Variants in OCA2 observed in about 807,000 individuals in gnomAD.
The protein encoded by OCA2 is OCA2 melanosomal transmembrane protein.
Under a neutral mutation model 100.2 loss-of-function variants are expected in OCA2, and 77 were observed. That is an observed-to-expected ratio of 0.77 (90% CI 0.64 to 0.93). OCA2 has a LOEUF of 0.93. OCA2 is among the 40% of genes least tolerant of loss of function. OCA2 has a pLI of 0.00. For missense variants in OCA2, 1,062 were observed against 1,089.1 expected (o/e 0.98, Z 0.35); for synonymous variants, 432 against 439.2 (o/e 0.98, Z 0.21).
At chr15:27,794,566 T>TAC (rs2033242190) in intron 23 of OCA2, among the ~76,000 whole-genome samples, 1 of 152,158 alleles carries the variant, frequency 6.6e-6, no homozygotes, top group African/African-American at 2.4e-5. Context: ...CTCCAGTAAA[T>TAC]ACACGTGTGC....
chr15:27,870,810 A>AAGAAAGAAAG (rs372518302), intron 21 of OCA2, among the ~76,000 whole-genome samples: 4,410 of 88,214 alleles, frequency 0.05, 227 homozygotes, highest in African/African-American at 0.12. Context: ...GAAAGAAAGA[A>AAGAAAGAAAG]AGAGAGAGAG....
intron 1 of OCA2, among the ~76,000 whole-genome samples, chr15:28,086,868 G>A (rs1228716469): frequency 1.3e-5 from 2 of 152,096 alleles, no homozygotes; most frequent in Non-Finnish European, 2.9e-5. Flanking sequence ...TAGAACAATA[G>A]AAATTACTCA....
the OCA2 span, among the ~76,000 whole-genome samples, chr15:27,723,377 C>G: frequency 6.6e-6 from 1 of 152,096 alleles, no homozygotes; most frequent in Non-Finnish European, 1.5e-5. Context: ...GCTATGAGCA[C>G]TGCTGTGTGA....
At position 27,789,380 on chromosome 15, in the gene OCA2, A is replaced by G. The variant is rs1056828421; in HGVS notation, c.2433-33908T>C. On this transcript the variant is annotated intron_variant, in intron 23 of 23. Coordinates refer to ENST00000354638, the MANE Select transcript of OCA2 (RefSeq NM_000275.3). ...CATCATTTTGAAAAATAGTTTTTCT[A>G]GAAATGAAATTCTTTCTTGAGTTTG... Among the ~76,000 whole-genome samples, 5 of 152,152 alleles carry G rather than the reference A, an allele frequency of 3.3e-5. No homozygotes were observed. In the East Asian group the frequency reaches 9.6e-4, roughly 29 times the overall value.
At chr15:27,806,392 C>T (rs190284265) in intron 23 of OCA2, among the ~76,000 whole-genome samples, 2 of 152,366 alleles carry the variant, frequency 1.3e-5, no homozygotes, top group Non-Finnish European at 2.9e-5. Flanking sequence ...GGCCTTCCTA[C>T]CGGAAAGGAA....
chr15:27,999,050 G>A (rs56055582), intron 9 of OCA2, among the ~76,000 whole-genome samples: 6,593 of 151,810 alleles, frequency 0.043, 464 homozygotes, highest in African/African-American at 0.15. Flanking sequence ...GGACTGTTGT[G>A]GGGTGGGGAG....
At position 27,930,786 on chromosome 15, in the gene OCA2, G is replaced by A. The variant is rs552310375; in HGVS notation, c.1952-4532C>T. Among the ~76,000 whole-genome samples, 5 of 151,780 alleles carry A rather than the reference G, an allele frequency of 3.3e-5. No individual in the cohort carries two copies. The South Asian group carries it at 1.0e-3, about 32-fold the overall frequency. On this transcript the variant is annotated intron_variant, in intron 18 of 23. Coordinates refer to ENST00000354638, the MANE Select transcript of OCA2 (RefSeq NM_000275.3). ...GGTGACTGAGCCAGGCTCTTCATCAGGGCAGGGGTCTGACACTTCATCTCT... is the reference window on the plus strand; with the variant it reads ...GGTGACTGAGCCAGGCTCTTCATCAAGGCAGGGGTCTGACACTTCATCTCT...
chr15:27,844,688 T>C (rs1595503663), intron 23 of OCA2, among the ~76,000 whole-genome samples: 2 of 152,122 alleles, frequency 1.3e-5, no homozygotes, highest in African/African-American at 2.4e-5. Flanking sequence ...TTTCACCATG[T>C]TGGGGATTCA....
chr15:27,770,863 TTC>T (rs2031731231), intron 23 of OCA2, among the ~76,000 whole-genome samples: 1 of 92,126 alleles, frequency 1.1e-5, no homozygotes, highest in Non-Finnish European at 2.2e-5. Context: ...CCTTTCTTCC[TTC>T]CTTCCCTCCT....
At chr15:27,963,840 A>G (rs1196646349) in intron 15 of OCA2, among the ~76,000 whole-genome samples, 1 of 152,152 alleles carries the variant, frequency 6.6e-6, no homozygotes, top group Non-Finnish European at 1.5e-5. Flanking sequence ...TGAGATCAAT[A>G]AAATTGATAA....
rs145588824 is a variant in OCA2, at chr15:27,854,099, C to T, written c.2245-2624G>A. On this transcript the variant is annotated intron_variant, in intron 21 of 23. Coordinates refer to ENST00000354638, the MANE Select transcript of OCA2 (RefSeq NM_000275.3). ...TGGGGCAGGTGGGTCCTCCTCCCCA[C>T]CCCAGATTCTGGGCTTGCCTAGTGG... Among the ~76,000 whole-genome samples, 11 of 152,338 alleles carry T rather than the reference C, an allele frequency of 7.2e-5. 1 individual carries two copies. Among genetic ancestry groups the T allele is most frequent in the Non-Finnish European group, 1.5e-4 (10 of 68,028 alleles).
intron 21 of OCA2, among the ~76,000 whole-genome samples, chr15:27,859,590 C>T (rs993033789): frequency 2.6e-5 from 4 of 152,140 alleles, no homozygotes; most frequent in African/African-American, 9.7e-5. Flanking sequence ...TTCTACCAAA[C>T]ATTTAAAGAA....
At chr15:27,808,611 C>T (rs1009704038) in intron 23 of OCA2, among the ~76,000 whole-genome samples, 7 of 152,214 alleles carry the variant, frequency 4.6e-5, no homozygotes, top group African/African-American at 1.7e-4. Context: ...CGGAGGTTTC[C>T]AGCCTGGATA....
At chr15:27,778,373 A>G (rs2032355500) in intron 23 of OCA2, among the ~76,000 whole-genome samples, 1 of 152,196 alleles carries the variant, frequency 6.6e-6, no homozygotes, top group African/African-American at 2.4e-5. Flanking sequence ...AAAGAAAGAA[A>G]AACAAAAGAG....
chr15:27,817,068 C>T (rs929511874), intron 23 of OCA2, among the ~76,000 whole-genome samples: 3 of 152,176 alleles, frequency 2.0e-5, no homozygotes, highest in Admixed American at 6.5e-5. Flanking sequence ...AGGCCATGGC[C>T]GTCCCTCTAG....
chr15:27,869,967 T>A, intron 21 of OCA2, among the ~76,000 whole-genome samples: 1 of 152,152 alleles, frequency 6.6e-6, no homozygotes, highest in African/African-American at 2.4e-5. Flanking sequence ...GCCACCGAGT[T>A]AGTTCAGGAT....
intron 3 of OCA2, among the ~76,000 whole-genome samples, chr15:28,028,857 T>C (rs1236818142): frequency 1.3e-5 from 2 of 152,140 alleles, no homozygotes; most frequent in South Asian, 4.1e-4. Flanking sequence ...AACTAATTTT[T>C]GTATTTTTAG....
At chr15:27,798,120 A>C (rs557582732) in intron 23 of OCA2, among the ~76,000 whole-genome samples, 74 of 152,308 alleles carry the variant, frequency 4.9e-4, no homozygotes, top group Non-Finnish European at 7.9e-4. Flanking sequence ...GATTTAAATT[A>C]TTTATTAGTC....
At chr15:27,734,495 G>A in the OCA2 span, among the ~76,000 whole-genome samples, 87,174 of 151,822 alleles carry the variant, frequency 0.57, 26,392 homozygotes, top group African/African-American at 0.72. Context: ...TTAGGCCCCA[G>A]CACTGGGCCT....
Sources: allele counts gnomAD v4.1 joint callset (sites outside exome capture counted in the v4.1 genomes callset), GRCh38; gene constraint gnomAD v4.1.1; transcripts MANE v1.5; gene names NCBI Gene and HGNC (gene_info 2026-07-23, HGNC 2026-07-21).